ATP10D: variants seen among roughly 807,000 people sequenced by gnomAD.
ATP10D encodes the protein ATPase phospholipid transporting 10D (putative).
In ATP10D, 89 loss-of-function variants were observed where a neutral mutation model predicts 144.8. The ratio of observed to expected loss-of-function variants is 0.61; its 90% CI spans 0.52 to 0.73. The LOEUF (loss-of-function observed/expected upper bound fraction) is 0.73, where lower values mean the gene tolerates loss of function less well. Among genes scored for constraint, ATP10D ranks in the 30% least tolerant of loss-of-function variants. ATP10D has a pLI of 0.00. For synonymous variants in ATP10D, 571 were observed against 615.1 expected (o/e 0.93, Z 1.06); for missense variants, 1,603 against 1,714.8 (o/e 0.93, Z 1.15).
intron 14 of ATP10D, among the ~76,000 whole-genome samples, chr4:47,561,632 C>T (rs1037463460): frequency 6.6e-6 from 1 of 152,148 alleles, no homozygotes; most frequent in African/African-American, 2.4e-5. Context: ...TATTTTTCTT[C>T]TCTTCCTGAT....
chr4:47,552,034 TG>T (rs1450241126), intron 10 of ATP10D, among the ~76,000 whole-genome samples: 3 of 152,218 alleles, frequency 2.0e-5, no homozygotes, highest in Non-Finnish European at 4.4e-5. Flanking sequence ...GGCTCTTTTA[TG>T]TATGTTGTTT....
intron 11 of ATP10D, among the ~76,000 whole-genome samples, chr4:47,555,928 A>G (rs1276889711): frequency 5.3e-5 from 8 of 151,930 alleles, no homozygotes; most frequent in Non-Finnish European, 8.8e-5. Flanking sequence ...TAATTTTTGT[A>G]GTTTTAGTAG....
chr4:47,544,696 C>T (rs1310761304), intron 9 of ATP10D, among the ~76,000 whole-genome samples: 2 of 152,214 alleles, frequency 1.3e-5, no homozygotes, highest in African/African-American at 2.4e-5. Context: ...CCTAGGATCA[C>T]CACATAGACC....
In ATP10D at chr4:47,557,647, T is replaced by C. The variant is rs1424847325; in HGVS notation, c.1825-17T>C. ...GCTTTTGACTGTATTGAGACCTTTC[T>C]AAATTGTCTTTCATAGATCAGACAC... On this transcript the variant is annotated splice_polypyrimidine_tract_variant and intron_variant, in intron 11 of 22. Coordinates refer to ENST00000273859, the MANE Select transcript of ATP10D (RefSeq NM_020453.4). 1 of 1,579,238 alleles carries C rather than the reference T, an allele frequency of 6.3e-7. No homozygotes were observed. The highest frequency in any genetic ancestry group is 8.6e-7 in the Non-Finnish European group (1 of 1,159,780).
At chr4:47,522,917 C>G in intron 3 of ATP10D, 95 bp from the exon 4 acceptor site, 1 of 1,054,366 alleles carries the variant, frequency 9.5e-7, no homozygotes, top group Non-Finnish European at 1.4e-6. Flanking sequence ...TTAATATATA[C>G]TTTAAATTAT....
At chr4:47,513,044 T>C (rs187024625) in intron 2 of ATP10D, among the ~76,000 whole-genome samples, 69 of 152,300 alleles carry the variant, frequency 4.5e-4, no homozygotes, top group African/African-American at 1.5e-3. Flanking sequence ...AGAAAAGATA[T>C]TGTAATTCAC....
chr4:47,487,846 A>C (rs1714852927), intron 1 of ATP10D, among the ~76,000 whole-genome samples: 1 of 152,186 alleles, frequency 6.6e-6, no homozygotes, highest in African/African-American at 2.4e-5. Context: ...TATGTATTAA[A>C]ACCTGTGAAT....
intron 15 of ATP10D, among the ~76,000 whole-genome samples, chr4:47,566,475 C>G (rs1465987230): frequency 6.6e-6 from 1 of 152,112 alleles, no homozygotes; most frequent in Non-Finnish European, 1.5e-5. Context: ...GCTTTCCATA[C>G]CTGATCTCAT....
Position 47,536,553 on chromosome 4 carries a change from A to G in ATP10D, c.1132A>G (p.Ile378Val), listed in dbSNP as rs964240618. 1.9e-6 allele frequency: 3 copies of G among 1,612,248 alleles called. No individual in the cohort carries two copies. The East Asian group carries it at 6.7e-5, about 36-fold the overall frequency. Residue 378 changes from isoleucine to valine, a missense_variant, in exon 8 of 23, where the codon ATT (isoleucine) becomes GTT (valine). Coordinates refer to ENST00000273859, the MANE Select transcript of ATP10D (RefSeq NM_020453.4). Reference sequence around the variant, plus strand: ...ATTTTATATGTTTTGGACCATGATCATTTTGTTACAGGTAATTTTTTATCA... The same window carrying G: ...ATTTTATATGTTTTGGACCATGATCGTTTTGTTACAGGTAATTTTTTATCA... ...AGFYMFWTMI[I>V]LLQVLIPISL...
intron 4 of ATP10D, 56 bp from the exon 5 acceptor site, chr4:47,525,501 C>T (rs1174095644): frequency 2.4e-6 from 3 of 1,230,610 alleles, no homozygotes; most frequent in East Asian, 4.7e-5. Flanking sequence ...TAAAACACTT[C>T]AATATTAAGG....
chr4:47,568,190 A>G (rs1165994524), intron 15 of ATP10D, among the ~76,000 whole-genome samples: 1 of 152,252 alleles, frequency 6.6e-6, no homozygotes, highest in Non-Finnish European at 1.5e-5. Flanking sequence ...AGACGTGATA[A>G]GTACCACAAA....
At chr4:47,549,928 G>C (rs1391259861) in intron 10 of ATP10D, among the ~76,000 whole-genome samples, 2 of 151,350 alleles carry the variant, frequency 1.3e-5, no homozygotes, top group Non-Finnish European at 2.9e-5. Context: ...GGAATTGTCA[G>C]CATGTGGTTA....
chr4:47,530,370 G>C (rs548877353), intron 5 of ATP10D, among the ~76,000 whole-genome samples: 1 of 151,972 alleles, frequency 6.6e-6, no homozygotes, highest in Non-Finnish European at 1.5e-5. Context: ...AAAGGATATT[G>C]GTTTTTATCG....
At chr4:47,585,362 T>G (rs955600991) in intron 21 of ATP10D, among the ~76,000 whole-genome samples, 3 of 152,114 alleles carry the variant, frequency 2.0e-5, no homozygotes, top group Non-Finnish European at 4.4e-5. Context: ...TTCTAAAATT[T>G]TTGTGGGTAC....
At chr4:47,505,711 T>G (rs1435474066) in intron 1 of ATP10D, among the ~76,000 whole-genome samples, 1 of 148,026 alleles carries the variant, frequency 6.8e-6, no homozygotes, top group Non-Finnish European at 1.5e-5. Context: ...ACCACTACAC[T>G]CCAGCATGGG....
chr4:47,581,875 G>A, intron 20 of ATP10D, 85 bp from the exon 21 acceptor site: 1 of 1,072,958 alleles, frequency 9.3e-7, no homozygotes, highest in Admixed American at 1.8e-5. Context: ...AGGGATTCAA[G>A]CCTTGGTTGA....
At chr4:47,488,608 TAAGCA>T (rs1375284991) in intron 1 of ATP10D, among the ~76,000 whole-genome samples, 9 of 21,516 alleles carry the variant, frequency 4.2e-4, no homozygotes, top group African/African-American at 1.1e-3. Flanking sequence ...AGAAATATAA[TAAGCA>T]AAAAAAAAAA....
intron 10 of ATP10D, among the ~76,000 whole-genome samples, chr4:47,549,039 C>T (rs1033728104): frequency 5.3e-5 from 8 of 152,158 alleles, no homozygotes; most frequent in Non-Finnish European, 8.8e-5. Flanking sequence ...AGTGAGGATG[C>T]TAGGCAGGGT....
intron 14 of ATP10D, 41 bp downstream of exon 14, chr4:47,561,116 G>A: frequency 6.2e-7 from 1 of 1,608,456 alleles, no homozygotes; most frequent in Non-Finnish European, 8.5e-7. Context: ...GGAGGATTTT[G>A]AAAAACACTG....
Sources: gnomAD v4.1 joint callset for allele counts (sites outside exome capture counted in the v4.1 genomes callset) on GRCh38, gnomAD v4.1.1 for gene constraint, MANE v1.5 for transcripts, NCBI Gene and HGNC (gene_info 2026-07-23, HGNC 2026-07-21) for gene names.